The following PRRX1 variants were observed in gnomAD, a reference collection of about 807,000 sequenced individuals.
PRRX1 encodes the protein paired mesoderm homeobox protein 1.
PRRX1 carries 8 observed loss-of-function variants against 24.0 expected under a neutral mutation model. That is an observed-to-expected ratio of 0.33 (90% CI 0.20 to 0.60). PRRX1 has a LOEUF of 0.60. Ranked by LOEUF, PRRX1 falls within the 20% of genes least tolerant of loss-of-function variation. PRRX1 has a pLI of 0.82. For synonymous variants in PRRX1, 160 were observed against 131.7 expected, an observed-to-expected ratio of 1.22 and a Z score of -1.47; for missense variants, 281 against 322.4, an observed-to-expected ratio of 0.87 and a Z score of 0.98.
chr1:170,701,259 T>A (rs1345312668), intron 1 of PRRX1, among the ~76,000 whole-genome samples: 3 of 152,224 alleles, frequency 2.0e-5, no homozygotes, highest in Non-Finnish European at 4.4e-5. Flanking sequence ...TTTTTGAAGT[T>A]ACTTGCTTAT....
intron 1 of PRRX1, among the ~76,000 whole-genome samples, chr1:170,683,626 T>A (rs2101893250): frequency 6.6e-6 from 1 of 152,330 alleles, no homozygotes; most frequent in Non-Finnish European, 1.5e-5. Context: ...TTGATTTTGT[T>A]ATTTGAAATG....
At chr1:170,686,947 G>T (rs1478521743) in intron 1 of PRRX1, among the ~76,000 whole-genome samples, 1 of 152,052 alleles carries the variant, frequency 6.6e-6, no homozygotes, top group African/African-American at 2.4e-5. Flanking sequence ...AACAAGAATT[G>T]ACTGGACGCT....
At chr1:170,730,193 C>A (rs1158706655) in intron 3 of PRRX1, 1 of 1,139,364 alleles carries the variant, frequency 8.8e-7, no homozygotes, top group Non-Finnish European at 1.3e-6. Flanking sequence ...CTTCTCCTCC[C>A]CTCATTTGAT....
chr1:170,724,635 G>T (rs1262918792), intron 2 of PRRX1, among the ~76,000 whole-genome samples: 5 of 152,084 alleles, frequency 3.3e-5, no homozygotes, highest in Non-Finnish European at 7.4e-5. Context: ...TGTTCCATTG[G>T]TCTGTGTGTG....
intron 1 of PRRX1, 68 bp downstream of exon 1, chr1:170,664,527 G>T: frequency 6.6e-7 from 1 of 1,523,908 alleles, no homozygotes; most frequent in Non-Finnish European, 8.8e-7. Flanking sequence ...GTGTAGGGCA[G>T]CTAGAGCCCG....
chr1:170,730,175 T>A (rs1655384032), intron 3 of PRRX1: 1 of 992,484 alleles, frequency 1.0e-6, no homozygotes, highest in Admixed American at 1.7e-5. Flanking sequence ...ACAGCTTCCC[T>A]CCCCATCCTT....
At position 170,738,016 on chromosome 1, in the gene PRRX1, T is replaced by G. The variant is rs190652230; in HGVS notation, c.*1830T>G. ...ATACTTATAACCTTGTATTTGGAAA[T>G]GAGAAATAGGTTTATATTTTCAGAT... On this transcript the variant is annotated 3_prime_UTR_variant, in exon 4 of 4. Transcript: ENST00000239461. 39 of 217,596 alleles carry G rather than the reference T, an allele frequency of 1.8e-4. No individual in the cohort carries two copies. In the East Asian group the frequency reaches 2.3e-3, roughly 13 times the overall value. 13.5% of individuals were successfully genotyped at this position (217,596 alleles called of 1,614,324 possible). A position where few individuals can be genotyped will look rare whatever the true frequency, so the allele number is the denominator to read the frequency against.
At chr1:170,710,020 G>A (rs1207659638) in intron 1 of PRRX1, among the ~76,000 whole-genome samples, 1 of 152,092 alleles carries the variant, frequency 6.6e-6, no homozygotes, top group Non-Finnish European at 1.5e-5. Flanking sequence ...TGTGGTTAGA[G>A]GTAAACTAAT....
chr1:170,713,940 C>T (rs750555765), intron 1 of PRRX1, among the ~76,000 whole-genome samples: 8 of 152,104 alleles, frequency 5.3e-5, no homozygotes, highest in African/African-American at 1.2e-4. Flanking sequence ...GAGATTTGTT[C>T]GCTCTTGATA....
intron 1 of PRRX1, among the ~76,000 whole-genome samples, chr1:170,706,522 A>T (rs1228688270): frequency 6.6e-6 from 1 of 152,198 alleles, no homozygotes; most frequent in Non-Finnish European, 1.5e-5. Flanking sequence ...AGAGACAGAG[A>T]ACTCATGTCG....
At chr1:170,716,992 C>T (rs1158870038) in intron 1 of PRRX1, among the ~76,000 whole-genome samples, 2 of 152,220 alleles carry the variant, frequency 1.3e-5, no homozygotes, top group East Asian at 3.8e-4. Context: ...CAAAGACAGA[C>T]CATCCCCAGG....
chr1:170,711,095 G>T (rs1164171905), intron 1 of PRRX1, among the ~76,000 whole-genome samples: 2 of 152,078 alleles, frequency 1.3e-5, no homozygotes, highest in African/African-American at 2.4e-5. Context: ...TCTTTAAAGA[G>T]AATTTTATTT....
At chr1:170,715,728 G>A (rs977047181) in intron 1 of PRRX1, among the ~76,000 whole-genome samples, 6 of 152,192 alleles carry the variant, frequency 3.9e-5, no homozygotes, top group Non-Finnish European at 8.8e-5. Flanking sequence ...AGAACATCTG[G>A]ATCAAAATGG....
chr1:170,691,736 C>T (rs1475556245), intron 1 of PRRX1, among the ~76,000 whole-genome samples: 1 of 151,732 alleles, frequency 6.6e-6, no homozygotes, highest in South Asian at 2.1e-4. Flanking sequence ...TTCTCTTCTA[C>T]TCTTATGTGT....
At position 170,719,874 on chromosome 1, in the gene PRRX1, G is replaced by A. The variant is rs1243539054; in HGVS notation, c.390G>A (p.Arg130=). 6.2e-7 allele frequency: 1 copy of A among 1,614,136 alleles called. No homozygotes were observed. The change falls in exon 2 of 4, where the codon CGG becomes CGA. Residue 130 remains arginine (R), a synonymous_variant. Transcript: ENST00000239461. ...TTGTGCGAGAAGACCTTGCCCGCCG[G>A]GTGAACCTCACCGAGGCGAGAGTGC... ...DAFVREDLAR[R]VNLTEARVQV...
chr1:170,701,788 G>A (rs1241729420), intron 1 of PRRX1, among the ~76,000 whole-genome samples: 24 of 152,112 alleles, frequency 1.6e-4, no homozygotes, highest in Admixed American at 1.6e-3. Flanking sequence ...ATACATGCAT[G>A]CAATGTCATG....
intron 1 of PRRX1, among the ~76,000 whole-genome samples, chr1:170,665,581 CG>C (rs1652891883): frequency 6.6e-6 from 1 of 152,296 alleles, no homozygotes; most frequent in African/African-American, 2.4e-5. Context: ...ATCGTGGAAC[CG>C]GGGGGCCCTC....
At chr1:170,715,357 A>G (rs982524052) in intron 1 of PRRX1, among the ~76,000 whole-genome samples, 6 of 152,212 alleles carry the variant, frequency 3.9e-5, no homozygotes, top group Non-Finnish European at 8.8e-5. Flanking sequence ...TAATATGTCA[A>G]GGAATCCTAT....
At position 170,736,151 on chromosome 1, in the gene PRRX1, A is replaced by C; in HGVS notation, c.703A>C (p.Ser235Arg). 6.2e-7 allele frequency: 1 copy of C among 1,614,224 alleles called. No individual in the cohort carries two copies. Among genetic ancestry groups the C allele is most frequent in the Non-Finnish European group, 8.5e-7 (1 of 1,180,020 alleles). ...CCTGAGACTGAAGGCCAAGGAATAT[A>C]GTTTACAGAGGAACCAGGTGCCAAC... ...ANLRLKAKEY[S>R]LQRNQVPTVN Residue 235 changes from serine (S) to arginine (R), a missense_variant, in exon 4 of 4, where the codon AGT (serine) becomes CGT (arginine). Ser to Arg is a moderately radical substitution (Grantham distance 110, BLOSUM62 -1). Transcript: ENST00000239461.
Sources: allele counts gnomAD v4.1 joint callset (sites outside exome capture counted in the v4.1 genomes callset), GRCh38; gene constraint gnomAD v4.1.1; transcripts MANE v1.5; gene names NCBI Gene and HGNC (gene_info 2026-07-23, HGNC 2026-07-21).